GNG7: variants seen among roughly 807,000 people sequenced by gnomAD.
The protein encoded by GNG7 is guanine nucleotide-binding protein G(I)/G(S)/G(O) subunit gamma-7.
Under a neutral mutation model 4.0 loss-of-function variants are expected in GNG7, and 1 was observed. The observed-to-expected ratio is 0.25, with a 90% CI of 0.09 to 1.18. GNG7 has a LOEUF of 1.18. GNG7 is among the 50% of genes most tolerant of loss of function. The probability of loss-of-function intolerance (pLI) is 0.50; values close to 1 mark genes in which losing one functional copy is unlikely to be tolerated. For missense variants in GNG7, 86 were observed against 91.9 expected (o/e 0.94, Z 0.26); for synonymous variants, 34 against 36.9 (o/e 0.92, Z 0.29).
At chr19:2,553,621 A>G (rs575135010) in intron 3 of GNG7, among the ~76,000 whole-genome samples, 13 of 141,788 alleles carry the variant, frequency 9.2e-5, no homozygotes, top group Admixed American at 2.1e-4. Flanking sequence ...TACTACATAC[A>G]TGCACACGTT....
At position 2,511,643 on chromosome 19, in the gene GNG7, G is replaced by C. The variant is rs1296343858; in HGVS notation, c.*3379C>G. ...CCTCTCCTACCTGCCCCAGAACTTG[G>C]GCAGGACGGGCTGTTAACTTGGAGA... On this transcript the variant is annotated 3_prime_UTR_variant, in exon 5 of 5. Coordinates refer to ENST00000382159, the MANE Select transcript of GNG7 (RefSeq NM_052847.3). The surrounding 1 kb of genome is among the most constrained non-coding windows in gnomAD (Gnocchi z 6.3). 2 of 266,534 alleles carry C rather than the reference G, an allele frequency of 7.5e-6. No individual in the cohort carries two copies. Among genetic ancestry groups the C allele is most frequent in the African/African-American group, 4.6e-5 (2 of 43,570 alleles). 16.5% of individuals were successfully genotyped at this position (266,534 alleles called of 1,614,324 possible). A position where few individuals can be genotyped will look rare whatever the true frequency, so the allele number is the denominator to read the frequency against.
chr19:2,578,361 CTACTA>C (rs1313881932), intron 2 of GNG7, among the ~76,000 whole-genome samples: 2 of 152,146 alleles, frequency 1.3e-5, no homozygotes, highest in African/African-American at 4.8e-5. Flanking sequence ...GCCCTGTTCT[CTACTA>C]TGTTAGGAAG....
rs80256787 is a variant in GNG7 at position 2,617,722 on chromosome 19, AT to A, written c.-78+28501del. On this transcript the variant is annotated intron_variant, in intron 2 of 4. Transcript: ENST00000382159. This position sits in a 1 kb window ranked among gnomAD's most constrained non-coding sequence, Gnocchi z 4.7. ...CATCCTATTTTGTCTTTTCCTTTTT[AT>A]TTTTTTTTTTTTTGAGATAGGGTCT... 7.0e-3 allele frequency among the ~76,000 whole-genome samples: 973 copies of A among 138,986 alleles called. 1 individual carries two copies. Among genetic ancestry groups the A allele is most frequent in the African/African-American group, 0.013 (509 of 38,318 alleles). 91.2% of individuals were successfully genotyped at this position (138,986 alleles called of 152,430 possible).
chr19:2,670,604 C>G (rs1983427699), intron 1 of GNG7, among the ~76,000 whole-genome samples: 1 of 151,742 alleles, frequency 6.6e-6, no homozygotes, highest in Admixed American at 6.5e-5. Flanking sequence ...ACCCTATTCT[C>G]TGAGGGTCAC....
intron 2 of GNG7, among the ~76,000 whole-genome samples, chr19:2,565,083 T>C (rs1338006952): frequency 6.6e-6 from 1 of 152,142 alleles, no homozygotes; most frequent in Non-Finnish European, 1.5e-5. Flanking sequence ...TGTGTCTCCC[T>C]GTAGCCATGA....
chr19:2,615,287 C>T (rs545242000), intron 2 of GNG7, among the ~76,000 whole-genome samples: 15 of 151,764 alleles, frequency 9.9e-5, no homozygotes, highest in South Asian at 4.2e-4. Context: ...CCCAGACCTC[C>T]GCCTCCAGGG....
chr19:2,591,466 T>G (rs1008964250), intron 2 of GNG7, among the ~76,000 whole-genome samples: 2 of 151,304 alleles, frequency 1.3e-5, no homozygotes, highest in African/African-American at 2.4e-5. Flanking sequence ...TTTTTTTTTT[T>G]TTTTTTTTTA....
intron 3 of GNG7, chr19:2,538,852 T>C: frequency 3.6e-6 from 1 of 276,460 alleles, no homozygotes; most frequent in Non-Finnish European, 7.1e-6. Flanking sequence ...CACTGCAAAC[T>C]CTGCGTCCTG....
chr19:2,687,832 G>A (rs1043274882), intron 1 of GNG7, among the ~76,000 whole-genome samples: 7 of 151,322 alleles, frequency 4.6e-5, no homozygotes, highest in Non-Finnish European at 1.0e-4. Flanking sequence ...AAAATTAGCC[G>A]GGCAAGGTGG....
intron 3 of GNG7, among the ~76,000 whole-genome samples, chr19:2,535,918 G>T (rs1978720652): frequency 6.6e-6 from 1 of 152,086 alleles, no homozygotes; most frequent in Non-Finnish European, 1.5e-5. Context: ...TTGAGCCCAG[G>T]AGTTTGAAAC....
chr19:2,582,626 G>T (rs1194286339), intron 2 of GNG7, among the ~76,000 whole-genome samples: 1 of 149,684 alleles, frequency 6.7e-6, no homozygotes, highest in Non-Finnish European at 1.5e-5. Context: ...GGGACTACAG[G>T]TGCATGCCAC....
intron 3 of GNG7, among the ~76,000 whole-genome samples, chr19:2,545,182 G>A (rs2144751352): frequency 6.7e-6 from 1 of 149,914 alleles, no homozygotes; most frequent in East Asian, 2.1e-4. Flanking sequence ...CCTGGGCGCT[G>A]TCTGGCGACA....
chr19:2,696,343 AAAG>A (rs1568287938), intron 1 of GNG7, among the ~76,000 whole-genome samples: 1 of 143,074 alleles, frequency 7.0e-6, no homozygotes, highest in African/African-American at 2.8e-5. Flanking sequence ...AGAAAGAAAG[AAAG>A]AAAAGAAAGA....
chr19:2,613,850 A>T (rs8102356), intron 2 of GNG7, among the ~76,000 whole-genome samples: 36,455 of 152,094 alleles, frequency 0.24, 8,543 homozygotes, highest in African/African-American at 0.61. Context: ...GATTTAATTA[A>T]TTGGTGAGGG....
intron 2 of GNG7, among the ~76,000 whole-genome samples, chr19:2,592,816 G>GAA (rs1205456618): frequency 2.3e-5 from 1 of 44,022 alleles, no homozygotes; most frequent in African/African-American, 4.6e-5. Flanking sequence ...AAGAAAGAAA[G>GAA]AGAGAGAGAG....
At chr19:2,641,882 C>G (rs1365956039) in intron 2 of GNG7, 1 of 152,022 alleles carries the variant, frequency 6.6e-6, no homozygotes, top group Non-Finnish European at 1.5e-5. Flanking sequence ...CCAGGATGGT[C>G]TCAAACTCCT....
At chr19:2,620,061 G>A (rs1294845812) in intron 2 of GNG7, among the ~76,000 whole-genome samples, 2 of 151,730 alleles carry the variant, frequency 1.3e-5, no homozygotes, top group African/African-American at 4.8e-5. Context: ...GCCAGGCATG[G>A]TGGTGCGCGC....
intron 1 of GNG7, among the ~76,000 whole-genome samples, chr19:2,668,816 A>G (rs1983378005): frequency 6.6e-6 from 1 of 152,108 alleles, no homozygotes; most frequent in African/African-American, 2.4e-5. Context: ...TTTGGGGCCA[A>G]TGGCTGTGGT....
chr19:2,572,865 G>C (rs1253790101), intron 2 of GNG7, among the ~76,000 whole-genome samples: 1 of 151,842 alleles, frequency 6.6e-6, no homozygotes, highest in Non-Finnish European at 1.5e-5. Context: ...CCAGGTTGCT[G>C]AGATTACAGG....
Sources: gnomAD v4.1 joint callset for allele counts (sites outside exome capture counted in the v4.1 genomes callset) on GRCh38, gnomAD v4.1.1 for gene constraint, Gnocchi (gnomAD v3.1) non-coding constraint, MANE v1.5 for transcripts, NCBI Gene and HGNC (gene_info 2026-07-23, HGNC 2026-07-21) for gene names.